The following PPFIA4 variants were observed in gnomAD, a reference collection of about 807,000 sequenced individuals.
The protein encoded by PPFIA4 is PPFI scaffold protein A4, also known as liprin-alpha-4.
In PPFIA4, 98 loss-of-function variants were observed where a neutral mutation model predicts 145.7. The ratio of observed to expected loss-of-function variants is 0.67; its 90% confidence interval spans 0.57 to 0.80. The LOEUF (loss-of-function observed/expected upper bound fraction) is 0.80. Among genes scored for constraint, PPFIA4 ranks in the 30% least tolerant of loss-of-function variants. PPFIA4 has a pLI of 0.00. For synonymous variants in PPFIA4, 628 were observed against 649.6 expected (o/e 0.97, Z 0.51); for missense variants, 1,457 against 1,632.7 (o/e 0.89, Z 1.85).
At chr1:203,032,861 C>T (rs1477028783) in intron 1 of PPFIA4, among the ~76,000 whole-genome samples, 1 of 152,076 alleles carries the variant, frequency 6.6e-6, no homozygotes, top group African/African-American at 2.4e-5. Flanking sequence ...CTGTCTAAAC[C>T]ATGACCCTCT....
At position 203,077,563 on chromosome 1, in the gene PPFIA4, ACT is replaced by A. The variant is rs1291938550; in HGVS notation, c.*1178_*1179del. 6.6e-6 allele frequency: 1 copy of A among 151,976 alleles called. No homozygotes were observed. The highest frequency in any genetic ancestry group is 2.4e-5 in the African/African-American group (1 of 41,354). 9.4% of individuals were successfully genotyped at this position (151,976 alleles called of 1,614,324 possible). Reference sequence around the variant, plus strand: ...AAATCCAATGTTGGTGAAGGCAGCCACTCTCTTGCTTGTCCCCAAATCACCTA... The same window carrying A: ...AAATCCAATGTTGGTGAAGGCAGCCACTCTTGCTTGTCCCCAAATCACCTA... On this transcript the variant is annotated 3_prime_UTR_variant, in exon 30 of 30. Coordinates refer to ENST00000295706, the MANE Select transcript of PPFIA4 (RefSeq NM_001304331.2).
rs1415443125 is a variant in PPFIA4 at position 203,044,690 on chromosome 1, C to G, written c.577-6C>G. ...GACTCATTGCCCTGGGGCTTGTGCC[C>G]TACAGGTGTCTGCCCTGCAGCAGGG... On this transcript the variant is annotated splice_region_variant and splice_polypyrimidine_tract_variant and intron_variant, in intron 5 of 29. Coordinates refer to ENST00000295706, the MANE Select transcript of PPFIA4 (RefSeq NM_001304331.2). The G allele has an allele frequency of 6.4e-7, 1 of 1,550,966 alleles. No homozygotes were observed. Among genetic ancestry groups the G allele is most frequent in the Non-Finnish European group, 8.7e-7 (1 of 1,147,426 alleles).
In PPFIA4 at chr1:203,048,781, C is replaced by G; in HGVS notation, c.1356+67C>G. 2 of 1,550,124 alleles carry G rather than the reference C, an allele frequency of 1.3e-6. No homozygotes were observed. The highest frequency in any genetic ancestry group is 1.7e-6 in the Non-Finnish European group (2 of 1,146,000). ...GGGTGTGGGGCGGGGGGAGGCGGGA[C>G]TGTGATGGGCGCAGGCGGGGTCTCA... is the stretch of plus-strand genomic sequence containing the variant. On this transcript the variant is annotated intron_variant, in intron 11 of 29. Coordinates refer to ENST00000295706, the MANE Select transcript of PPFIA4 (RefSeq NM_001304331.2). The surrounding 1 kb of genome is among the most constrained non-coding windows in gnomAD (Gnocchi z 5.8).
rs548020457 is a variant in PPFIA4, at chr1:203,075,927, G to T, written c.3574+170G>T. ...GGGGAGCGTGTGTGCGCACTAACCC[G>T]CCGCTCTGTGTGTTCTCCCGCGGCT... On this transcript the variant is annotated intron_variant, in intron 29 of 29. Transcript: ENST00000295706. The surrounding 1 kb of genome is among the most constrained non-coding windows in gnomAD (Gnocchi z 4.1). 4 of 668,158 alleles carry T rather than the reference G, an allele frequency of 6.0e-6. No individual in the cohort carries two copies. The highest frequency in any genetic ancestry group is 6.8e-6 in the Non-Finnish European group (3 of 443,888). 41.4% of individuals were successfully genotyped at this position (668,158 alleles called of 1,614,324 possible).
In PPFIA4 at chr1:203,055,801, G is replaced by A. The variant is rs920264697; in HGVS notation, c.2070+129G>A. On this transcript the variant is annotated intron_variant, in intron 16 of 29. Coordinates refer to ENST00000295706, the MANE Select transcript of PPFIA4 (RefSeq NM_001304331.2). The surrounding 1 kb of genome is among the most constrained non-coding windows in gnomAD (Gnocchi z 4.8). ...TCTTCCCATGGTGTGTGCAGACCCC[G>A]ACATGTCAGGCCACCAGCCTGTCCT... 74 of 1,389,968 alleles carry A rather than the reference G, an allele frequency of 5.3e-5. No individual in the cohort carries two copies. Among genetic ancestry groups the A allele is most frequent in the Non-Finnish European group, 7.1e-5 (72 of 1,019,182 alleles). The allele number at this position is 1,389,968 out of a possible 1,614,324, so 86.1% of individuals were successfully genotyped here. A position where few individuals can be genotyped will look rare whatever the true frequency, so the allele number is the denominator to read the frequency against.
At chr1:203,049,429 C>G (rs1256975624) in intron 12 of PPFIA4, among the ~76,000 whole-genome samples, 1 of 152,186 alleles carries the variant, frequency 6.6e-6, no homozygotes, top group Non-Finnish European at 1.5e-5. Context: ...GCTAGCAGAG[C>G]CCTCCCCAGA....
chr1:203,033,226 T>C (rs1297068641), intron 1 of PPFIA4, among the ~76,000 whole-genome samples: 1 of 152,224 alleles, frequency 6.6e-6, no homozygotes, highest in Non-Finnish European at 1.5e-5. Flanking sequence ...TTTGGGAACC[T>C]GATCACAGAG....
At chr1:203,029,153 G>T (rs1221559844) in intron 1 of PPFIA4, among the ~76,000 whole-genome samples, 1 of 152,146 alleles carries the variant, frequency 6.6e-6, no homozygotes, top group Non-Finnish European at 1.5e-5. Flanking sequence ...AGACCTCCCC[G>T]TTTGTTGCCT....
chr1:203,035,818 G>A (rs1387907435), intron 1 of PPFIA4, among the ~76,000 whole-genome samples: 2 of 149,508 alleles, frequency 1.3e-5, no homozygotes, highest in African/African-American at 4.9e-5. Context: ...AGAGGACAGG[G>A]GCAGGAGGTC....
At chr1:203,072,709 A>G (rs957521597) in intron 28 of PPFIA4, among the ~76,000 whole-genome samples, 7 of 152,220 alleles carry the variant, frequency 4.6e-5, no homozygotes, top group African/African-American at 1.4e-4. Context: ...AACAGGGCGA[A>G]AATCCACCTT....
At position 203,038,975 on chromosome 1, in the gene PPFIA4, C is replaced by A; in HGVS notation, c.-34C>A. The A allele has an allele frequency of 8.2e-7, 1 of 1,213,650 alleles. No homozygotes were observed. Among genetic ancestry groups the A allele is most frequent in the Non-Finnish European group, 1.2e-6 (1 of 863,994 alleles). 75.2% of individuals were successfully genotyped at this position (1,213,650 alleles called of 1,614,324 possible). A position where few individuals can be genotyped will look rare whatever the true frequency, so the allele number is the denominator to read the frequency against. On this transcript the variant is annotated 5_prime_UTR_variant, in exon 2 of 30. Transcript: ENST00000295706. ...CCAACCCTGTGAGTCCCTCCCTGTC[C>A]CCTGACGCTGAGAAGGCCCTGCCAA...
intron 12 of PPFIA4, among the ~76,000 whole-genome samples, chr1:203,049,450 C>T (rs1399297147): frequency 6.6e-6 from 1 of 152,246 alleles, no homozygotes; most frequent in African/African-American, 2.4e-5. Context: ...CAGACCCCCT[C>T]CTGGCCCTGC....
chr1:203,075,782 G>T lies in PPFIA4; in HGVS notation c.3574+25G>T, dbSNP rs1662490082. 6 of 1,353,856 alleles carry T rather than the reference G, an allele frequency of 4.4e-6. No individual in the cohort carries two copies. The South Asian group carries it at 9.6e-5, about 22-fold the overall frequency. The allele number at this position is 1,353,856 out of a possible 1,614,324, so 83.9% of individuals were successfully genotyped here. ...GGTGAGTAACAGGCGGGCTGGGCAT[G>T]GCCGAGGCCCAGCCGAGCGCGGGCT... is the stretch of plus-strand genomic sequence containing the variant. On this transcript the variant is annotated intron_variant, in intron 29 of 29. Coordinates refer to ENST00000295706, the MANE Select transcript of PPFIA4 (RefSeq NM_001304331.2). This position sits in a 1 kb window ranked among gnomAD's most constrained non-coding sequence, Gnocchi z 4.1.
Position 203,068,753 on chromosome 1 carries a change from C to T in PPFIA4, c.3324+125C>T. Reference sequence around the variant, plus strand: ...TGGGGAGCTTTTCTAGGGCCTATGCCAGAGGGGATCGCAATGTCCTCAATT... The same window carrying T: ...TGGGGAGCTTTTCTAGGGCCTATGCTAGAGGGGATCGCAATGTCCTCAATT... On this transcript the variant is annotated intron_variant, in intron 27 of 29. Coordinates refer to ENST00000295706, the MANE Select transcript of PPFIA4 (RefSeq NM_001304331.2). This position sits in a 1 kb window ranked among gnomAD's most constrained non-coding sequence, Gnocchi z 4.7. 2.0e-6 allele frequency: 2 copies of T among 996,482 alleles called. No individual in the cohort carries two copies. The highest frequency in any genetic ancestry group is 1.4e-6 in the Non-Finnish European group (1 of 723,210). 61.7% of individuals were successfully genotyped at this position (996,482 alleles called of 1,614,324 possible).
Position 203,048,744 on chromosome 1 carries a change from G to C in PPFIA4, c.1356+30G>C, listed in dbSNP as rs1459160874. 6.2e-7 allele frequency: 1 copy of C among 1,604,310 alleles called. No homozygotes were observed. Among genetic ancestry groups the C allele is most frequent in the Admixed American group, 1.7e-5 (1 of 59,128 alleles). On this transcript the variant is annotated intron_variant, in intron 11 of 29. Transcript: ENST00000295706. This position sits in a 1 kb window ranked among gnomAD's most constrained non-coding sequence, Gnocchi z 5.8. ...CCAGAGGGGCGGGGTTGGGATGCGA[G>C]AGGTTAGTGCTGGGTGTGGGGCGGG...
rs1218364103 is a variant in PPFIA4, at chr1:203,026,503, T to TTGGGCGGCGGAGGCTGCAGCTACC, written c.-524_-501dup. On this transcript the variant is annotated 5_prime_UTR_variant, in exon 1 of 30. Transcript: ENST00000295706. ...GGGGCGGGGCCCCGCGGCCGCGCGCTTGGGCGGCGGAGGCTGCAGCTACCT... is the reference window on the plus strand; with the variant it reads ...GGGGCGGGGCCCCGCGGCCGCGCGCTTGGGCGGCGGAGGCTGCAGCTACCTGGGCGGCGGAGGCTGCAGCTACCT... 3 of 152,156 alleles carry TTGGGCGGCGGAGGCTGCAGCTACC rather than the reference T, an allele frequency of 2.0e-5. No individual in the cohort carries two copies. Among genetic ancestry groups the TTGGGCGGCGGAGGCTGCAGCTACC allele is most frequent in the African/African-American group, 4.8e-5 (2 of 41,406 alleles). 9.4% of individuals were successfully genotyped at this position (152,156 alleles called of 1,614,324 possible).
chr1:203,045,274 G>A (rs919619810), intron 6 of PPFIA4, 94 bp from the exon 7 acceptor site: 37 of 1,131,668 alleles, frequency 3.3e-5, no homozygotes, highest in South Asian at 4.8e-5. Context: ...GACCTGCTCT[G>A]GGTGTGCTGT....
chr1:203,076,416 CCTT>C lies in PPFIA4; in HGVS notation c.*29_*31del, dbSNP rs1558108533. 3 of 1,604,118 alleles carry C rather than the reference CCTT, an allele frequency of 1.9e-6. No homozygotes were observed. Among genetic ancestry groups the C allele is most frequent in the African/African-American group, 2.7e-5 (2 of 74,860 alleles). The stretch of plus-strand genomic sequence containing the variant: ...CCATGGCCCCCAGGGCTGGCTTCCT[CCTT>C]CTGGGTTTCACAGGCTCCTCTGGCC... On this transcript the variant is annotated 3_prime_UTR_variant, in exon 30 of 30. Transcript: ENST00000295706.
At chr1:203,046,817 G>T (rs1660122132) in intron 9 of PPFIA4, among the ~76,000 whole-genome samples, 1 of 152,150 alleles carries the variant, frequency 6.6e-6, no homozygotes, top group Non-Finnish European at 1.5e-5. Context: ...TGAGAGTTAG[G>T]TTGAGTACAT....
Sources: gnomAD v4.1 joint callset for allele counts (sites outside exome capture counted in the v4.1 genomes callset) on GRCh38, gnomAD v4.1.1 for gene constraint, Gnocchi (gnomAD v3.1) non-coding constraint, MANE v1.5 for transcripts, NCBI Gene and HGNC (gene_info 2026-07-23, HGNC 2026-07-21) for gene names.